TLK1: variants seen among roughly 807,000 people sequenced by gnomAD.
The protein encoded by TLK1 is serine/threonine-protein kinase tousled-like 1.
Under a neutral mutation model 105.3 loss-of-function variants are expected in TLK1, and 24 were observed. That is an observed-to-expected ratio of 0.23 (90% CI 0.17 to 0.32). TLK1 has a LOEUF of 0.32. TLK1 is among the 10% of genes least tolerant of loss of function. The pLI, the probability that TLK1 is intolerant of heterozygous loss-of-function variation, is 1.00. For synonymous variants in TLK1, 321 were observed against 310.4 expected, an observed-to-expected ratio of 1.03 and a Z score of -0.36; for missense variants, 558 against 910.5, an observed-to-expected ratio of 0.61 and a Z score of 4.98.
chr2:171,050,814 C>CT (rs1246112236), intron 8 of TLK1, among the ~76,000 whole-genome samples: 1 of 152,152 alleles, frequency 6.6e-6, no homozygotes. Flanking sequence ...AGAGAATAAC[C>CT]TATAGGGCTT....
intron 1 of TLK1, among the ~76,000 whole-genome samples, chr2:171,217,787 C>T (rs1477637055): frequency 1.3e-5 from 2 of 152,150 alleles, no homozygotes; most frequent in African/African-American, 4.8e-5. Flanking sequence ...GTAATATGGT[C>T]TTATTTTTAT....
intron 1 of TLK1, among the ~76,000 whole-genome samples, chr2:171,226,327 C>G (rs1237722876): frequency 6.6e-6 from 1 of 152,078 alleles, no homozygotes; most frequent in Non-Finnish European, 1.5e-5. Flanking sequence ...TCACATAAAT[C>G]AGTAAAGCAT....
In TLK1 at chr2:171,188,244, A is replaced by T. The variant is rs140371980; in HGVS notation, c.-6+42901T>A. On this transcript the variant is annotated intron_variant, in intron 1 of 20. Transcript: ENST00000521943. The stretch of plus-strand genomic sequence containing the variant: ...AGCAATAATCCTGTACACACTTAAA[A>T]TCTTATTCTACAGGATCCTAATATG... 2.2e-3 allele frequency among the ~76,000 whole-genome samples: 338 copies of T among 152,312 alleles called. 2 individuals carry two copies. The highest frequency in any genetic ancestry group is 7.9e-3 in the African/African-American group (328 of 41,572).
chr2:171,056,919 C>A (rs2105440325), intron 5 of TLK1, among the ~76,000 whole-genome samples: 1 of 152,082 alleles, frequency 6.6e-6, no homozygotes, highest in East Asian at 1.9e-4. Context: ...GTTTATTGAG[C>A]CATATAGTCC....
chr2:171,175,249 C>T (rs1692799334), intron 1 of TLK1, among the ~76,000 whole-genome samples: 1 of 151,818 alleles, frequency 6.6e-6, no homozygotes, highest in Admixed American at 6.6e-5. Context: ...TACACTCAGC[C>T]CTCCGTATTC....
intron 1 of TLK1, among the ~76,000 whole-genome samples, chr2:171,127,272 C>T (rs1290651226): frequency 4.6e-5 from 6 of 129,660 alleles, no homozygotes; most frequent in African/African-American, 1.9e-4. Flanking sequence ...GTGAGACTCC[C>T]GTCTCAAAAA....
chr2:171,187,579 G>T (rs1693056351), intron 1 of TLK1, among the ~76,000 whole-genome samples: 1 of 152,146 alleles, frequency 6.6e-6, no homozygotes, highest in African/African-American at 2.4e-5. Context: ...TTTTAAGAAG[G>T]GGGCACAAAA....
In TLK1 at chr2:171,006,960, ATTAG is replaced by A; in HGVS notation, c.1508+8_1508+11del. 6.2e-7 allele frequency: 1 copy of A among 1,607,060 alleles called. No individual in the cohort carries two copies. The highest frequency in any genetic ancestry group is 1.1e-5 in the South Asian group (1 of 89,834). On this transcript the variant is annotated splice_region_variant and intron_variant, in intron 15 of 20. Transcript: ENST00000431350. ...ATTCAATTTTAAAAAACCATAAAGT[ATTAG>A]TATTTACTTGTGGTAGTTTTCTTTC...
intron 12 of TLK1, among the ~76,000 whole-genome samples, chr2:171,027,693 C>T (rs1195915006): frequency 6.6e-6 from 1 of 152,110 alleles, no homozygotes; most frequent in Non-Finnish European, 1.5e-5. Context: ...TTTTAGATTT[C>T]ATCTTTAAAA....
chr2:171,126,229 C>T (rs1042114517), intron 1 of TLK1, among the ~76,000 whole-genome samples: 3 of 152,086 alleles, frequency 2.0e-5, no homozygotes, highest in South Asian at 2.1e-4. Context: ...TGTCACTACC[C>T]AAATTAGAGA....
chr2:171,214,960 A>T (rs1459447088), intron 1 of TLK1, among the ~76,000 whole-genome samples: 2 of 150,282 alleles, frequency 1.3e-5, no homozygotes, highest in Non-Finnish European at 3.0e-5. Context: ...TTTTTTTTTG[A>T]GACGGGGCCT....
intron 1 of TLK1, among the ~76,000 whole-genome samples, chr2:171,138,913 TAATC>T (rs1324650197): frequency 6.6e-6 from 1 of 152,166 alleles, no homozygotes; most frequent in Non-Finnish European, 1.5e-5. Context: ...TTTTACTAAA[TAATC>T]AATAAATTGA....
intron 6 of TLK1, 32 bp downstream of exon 6, chr2:171,056,439 A>C: frequency 2.5e-6 from 4 of 1,583,634 alleles, no homozygotes; most frequent in African/African-American, 1.3e-5. Context: ...CCTCCCAAAG[A>C]CTACACATGA....
At chr2:170,995,293 G>GT in intron 20 of TLK1, among the ~76,000 whole-genome samples, 1 of 152,062 alleles carries the variant, frequency 6.6e-6, no homozygotes, top group South Asian at 2.1e-4. Flanking sequence ...CTTGGCAAAG[G>GT]TATCTTCTGT....
intron 2 of TLK1, chr2:171,091,582 G>A (rs72883983): frequency 0.049 from 7,464 of 152,192 alleles, 287 homozygotes; most frequent in Non-Finnish European, 0.071. Context: ...TCTAAGGAGG[G>A]TCCTTCTCCC....
chr2:171,096,629 G>A (rs1689464843), intron 2 of TLK1, among the ~76,000 whole-genome samples: 2 of 151,766 alleles, frequency 1.3e-5, no homozygotes, highest in South Asian at 4.2e-4. Flanking sequence ...ATGGTGGCAG[G>A]CGCCTATAGT....
chr2:171,085,431 T>G (rs1054726018), intron 2 of TLK1, among the ~76,000 whole-genome samples: 1 of 151,876 alleles, frequency 6.6e-6, no homozygotes, highest in East Asian at 1.9e-4. Context: ...CATTTTCAGT[T>G]GTCAGTCTCT....
chr2:171,192,222 T>G (rs571830506), intron 1 of TLK1, among the ~76,000 whole-genome samples: 1 of 151,880 alleles, frequency 6.6e-6, no homozygotes, highest in East Asian at 1.9e-4. Flanking sequence ...TCAGACGGGG[T>G]TTTGCCATGT....
intron 10 of TLK1, among the ~76,000 whole-genome samples, chr2:171,048,792 T>A (rs1436911005): frequency 6.6e-6 from 1 of 152,198 alleles, no homozygotes; most frequent in African/African-American, 2.4e-5. Flanking sequence ...TGTGATACCA[T>A]GTGAAAGTAA....
Sources: allele counts gnomAD v4.1 joint callset (sites outside exome capture counted in the v4.1 genomes callset), GRCh38; gene constraint gnomAD v4.1.1; transcripts MANE v1.5; gene names NCBI Gene and HGNC (gene_info 2026-07-23, HGNC 2026-07-21).